TEDC2: variants seen among roughly 807,000 people sequenced by gnomAD.
The protein encoded by TEDC2 is tubulin epsilon and delta complex 2, also known as tubulin epsilon and delta complex protein 2.
A neutral mutation model predicts 48.1 loss-of-function variants in TEDC2; 49 were observed. That is an observed-to-expected ratio of 1.02 (90% confidence interval 0.81 to 1.29). The LOEUF (loss-of-function observed/expected upper bound fraction) is 1.29. Ranked by LOEUF, TEDC2 falls within the 50% of genes most tolerant of loss-of-function variation. The pLI is 0.00. For missense variants in TEDC2, 631 were observed against 571.4 expected, an observed-to-expected ratio of 1.10 and a Z score of -1.06; for synonymous variants, 299 against 247.1, an observed-to-expected ratio of 1.21 and a Z score of -1.97.
Position 2,460,317 on chromosome 16 carries a change from T to G in TEDC2, c.61T>G (p.Cys21Gly). The change falls in exon 2 of 10, where the codon TGC becomes GGC. Residue 21 changes from cysteine to glycine, a missense_variant. Cys to Gly is a radical substitution (Grantham distance 159). Transcript: ENST00000361837. ...CGAGCTGCAGGGCGCCCTGGACGCCTGCGCACAGCGACAATTGCAATTGGA... is the reference window on the plus strand; with the variant it reads ...CGAGCTGCAGGGCGCCCTGGACGCCGGCGCACAGCGACAATTGCAATTGGA... ...VAELQGALDACAQRQLQLEQS... is the reference protein window; with the variant it reads ...VAELQGALDAGAQRQLQLEQS... 6.5e-7 allele frequency: 1 copy of G among 1,538,908 alleles called. No individual in the cohort carries two copies. The highest frequency in any genetic ancestry group is 8.7e-7 in the Non-Finnish European group (1 of 1,144,984).
chr16:2,461,644 GA>G, intron 4 of TEDC2, 102 bp from the exon 5 acceptor site: 1 of 1,415,180 alleles, frequency 7.1e-7, no homozygotes, highest in South Asian at 1.2e-5. Context: ...GGGTGTGGGA[GA>G]GGGGCAAGAA....
chr16:2,460,901 C>T lies in TEDC2; in HGVS notation c.282C>T (p.Ile94=). 1 of 1,613,624 alleles carries T rather than the reference C, an allele frequency of 6.2e-7. No homozygotes were observed. Among genetic ancestry groups the T allele is most frequent in the East Asian group, 2.2e-5 (1 of 44,886 alleles). Residue 94 remains isoleucine (I), a synonymous_variant, in exon 4 of 10, where the codon ATC becomes ATT. Coordinates refer to ENST00000361837, the MANE Select transcript of TEDC2 (RefSeq NM_025108.3). ...LEKAVRVRRG[I]TKAGERDKAP... Reference sequence around the variant, plus strand: ...AGGCTGTACGAGTTCGAAGAGGCATCACTAAGGCCGGAGAGAGAGACAAGG... The same window carrying T: ...AGGCTGTACGAGTTCGAAGAGGCATTACTAAGGCCGGAGAGAGAGACAAGG...
Position 2,462,403 on chromosome 16 carries a change from A to G in TEDC2, c.751-12A>G. On this transcript the variant is annotated splice_polypyrimidine_tract_variant and intron_variant, in intron 6 of 9. Transcript: ENST00000361837. ...CTTTGGCTGCAGGGAAGTTTTCCTG[A>G]CCCATATCCAGTCAGGCGGGCCCCA... 6.2e-7 allele frequency: 1 copy of G among 1,611,404 alleles called. No homozygotes were observed. The highest frequency in any genetic ancestry group is 8.5e-7 in the Non-Finnish European group (1 of 1,179,616).
In TEDC2 at chr16:2,462,518, T is replaced by C. The variant is rs746051394; in HGVS notation, c.854T>C (p.Leu285Pro). 1 of 1,599,432 alleles carries C rather than the reference T, an allele frequency of 6.3e-7. No individual in the cohort carries two copies. Among genetic ancestry groups the C allele is most frequent in the Non-Finnish European group, 8.5e-7 (1 of 1,173,440 alleles). The change falls in exon 7 of 10, where the codon CTC (leucine) becomes CCC (proline). Residue 285 changes from leucine to proline, a missense_variant. By Grantham distance (98) the Leu-to-Pro change is moderately conservative. Transcript: ENST00000361837. ...SLLRLRMREE[L>P]SAAPMDWMQE... ...CTGAGACTGCGCATGAGGGAGGAGC[T>C]CTCGGCAGGTCAGTGGGTCCTGGGT...
chr16:2,462,181 G>A lies in TEDC2; in HGVS notation c.692G>A (p.Ser231Asn). 2 of 1,613,360 alleles carry A rather than the reference G, an allele frequency of 1.2e-6. No homozygotes were observed. The highest frequency in any genetic ancestry group is 1.7e-6 in the Non-Finnish European group (2 of 1,180,030). Residue 231 changes from serine to asparagine, a missense_variant, in exon 6 of 10, where the codon AGT (serine) becomes AAT (asparagine). By Grantham distance (46) the Ser-to-Asn change is conservative. Transcript: ENST00000361837. ...LWAQLSSTQT[S>N]DSTDAAAAKT... The stretch of plus-strand genomic sequence containing the variant: ...GCCCAGCTCAGTTCCACACAGACCA[G>A]TGATTCCACGGATGCCGCCGCTGCC...
At chr16:2,462,800 G>C (rs2141839294) in intron 8 of TEDC2, 68 bp downstream of exon 8, 1 of 1,392,034 alleles carries the variant, frequency 7.2e-7, no homozygotes, top group Middle Eastern at 2.6e-4. Flanking sequence ...CTTTAGCCAG[G>C]CTTGTCTGCG....
intron 8 of TEDC2, among the ~76,000 whole-genome samples, chr16:2,463,237 C>T (rs1019950938): frequency 3.3e-5 from 5 of 152,084 alleles, no homozygotes; most frequent in African/African-American, 4.8e-5. Flanking sequence ...AGGAGAATGG[C>T]GTGAACCCAG....
chr16:2,462,197 C>T lies in TEDC2; in HGVS notation c.708C>T (p.Ala236=), dbSNP rs527618825. 28 of 1,613,400 alleles carry T rather than the reference C, an allele frequency of 1.7e-5. No homozygotes were observed. The African/African-American group carries it at 2.1e-4, about 12-fold the overall frequency. The change falls in exon 6 of 10, where the codon GCC becomes GCT. Residue 236 remains alanine (A), a synonymous_variant. Transcript: ENST00000361837. The part of the protein sequence containing the change: ...SSTQTSDSTD[A]AAAKTQFLQN... ...CACAGACCAGTGATTCCACGGATGC[C>T]GCCGCTGCCAAAACCCAGTTCCTCC...
intron 5 of TEDC2, 108 bp from the exon 6 acceptor site, chr16:2,462,041 C>A: frequency 1.6e-6 from 2 of 1,285,750 alleles, no homozygotes; most frequent in Non-Finnish European, 2.2e-6. Flanking sequence ...AGACGCCCAG[C>A]CTGGGGTCCC....
In TEDC2 at chr16:2,462,778, G is replaced by A. The variant is rs12599759; in HGVS notation, c.964+46G>A. ...TGCCACCTGCACTGAGGTCTGGGCC[G>A]GGGACAGGGTGCTTTAGCCAGGCTT... On this transcript the variant is annotated intron_variant, in intron 8 of 9. Coordinates refer to ENST00000361837, the MANE Select transcript of TEDC2 (RefSeq NM_025108.3). 4.6e-3 allele frequency: 6,760 copies of A among 1,476,116 alleles called. 254 individuals carry two copies. In the East Asian group the frequency reaches 0.1, roughly 22 times the overall value. 91.4% of individuals were successfully genotyped at this position (1,476,116 alleles called of 1,614,324 possible). A position where few individuals can be genotyped will look rare whatever the true frequency, so the allele number is the denominator to read the frequency against.
intron 3 of TEDC2, 42 bp from the exon 4 acceptor site, chr16:2,460,774 G>T: frequency 6.2e-7 from 1 of 1,611,214 alleles, no homozygotes; most frequent in Non-Finnish European, 8.5e-7. Flanking sequence ...CCTCCTGGGG[G>T]ACAGTGGGGA....
rs759277108 is a variant in TEDC2 at position 2,462,487 on chromosome 16, T to C, written c.823T>C (p.Ser275Pro). The C allele has an allele frequency of 1.2e-6, 2 of 1,609,350 alleles. No individual in the cohort carries two copies. The highest frequency in any genetic ancestry group is 2.2e-5 in the South Asian group (2 of 90,724). Residue 275 changes from serine to proline, a missense_variant, in exon 7 of 10, where the codon TCG becomes CCG. By Grantham distance (74) the Ser-to-Pro change is moderately conservative (BLOSUM62 -1). Transcript: ENST00000361837. Reference sequence around the variant, plus strand: ...GGCGGGGCGCCTGCGGAAGGCCTGCTCGCTGCTGAGACTGCGCATGAGGGA... The same window carrying C: ...GGCGGGGCGCCTGCGGAAGGCCTGCCCGCTGCTGAGACTGCGCATGAGGGA... ...AEAGRLRKAC[S>P]LLRLRMREEL... is the part of the protein sequence containing the mutation.
Position 2,462,534 on chromosome 16 carries a change from G to A in TEDC2, c.862+8G>A. The A allele has an allele frequency of 6.3e-7, 1 of 1,589,020 alleles. No individual in the cohort carries two copies. Among genetic ancestry groups the A allele is most frequent in the Non-Finnish European group, 8.6e-7 (1 of 1,168,070 alleles). The stretch of plus-strand genomic sequence containing the variant: ...GGGAGGAGCTCTCGGCAGGTCAGTG[G>A]GTCCTGGGTCTGTATCAGGAGGAGT... On this transcript the variant is annotated splice_region_variant and intron_variant, in intron 7 of 9. Coordinates refer to ENST00000361837, the MANE Select transcript of TEDC2 (RefSeq NM_025108.3).
Position 2,460,313 on chromosome 16 carries a change from C to T in TEDC2, c.57C>T (p.Asp19=). The T allele has an allele frequency of 1.3e-6, 2 of 1,537,280 alleles. No individual in the cohort carries two copies. The highest frequency in any genetic ancestry group is 2.5e-5 in the East Asian group (1 of 39,716). Residue 19 remains aspartate, a synonymous_variant, in exon 2 of 10, where the codon GAC becomes GAT. Coordinates refer to ENST00000361837, the MANE Select transcript of TEDC2 (RefSeq NM_025108.3). ...TGGCCGAGCTGCAGGGCGCCCTGGACGCCTGCGCACAGCGACAATTGCAAT... is the reference window on the plus strand; with the variant it reads ...TGGCCGAGCTGCAGGGCGCCCTGGATGCCTGCGCACAGCGACAATTGCAAT... The part of the protein sequence containing the change: ...RLVAELQGAL[D]ACAQRQLQLE...
Position 2,460,284 on chromosome 16 carries a change from C to T in TEDC2, c.28C>T (p.Leu10=). 1 of 1,526,692 alleles carries T rather than the reference C, an allele frequency of 6.6e-7. No individual in the cohort carries two copies. The allele number at this position is 1,526,692 out of a possible 1,614,324, so 94.6% of individuals were successfully genotyped here. The change falls in exon 2 of 10, where the codon CTG becomes TTG. Residue 10 remains leucine, a splice_region_variant and synonymous_variant. Transcript: ENST00000361837. MLPAGCSRR[L]VAELQGALDA... ...CTGAGCCGCCGGTGCGTCCCCCAGGCTGGTGGCCGAGCTGCAGGGCGCCCT... is the reference window on the plus strand; with the variant it reads ...CTGAGCCGCCGGTGCGTCCCCCAGGTTGGTGGCCGAGCTGCAGGGCGCCCT...
intron 9 of TEDC2, 139 bp downstream of exon 9, chr16:2,464,368 T>G: frequency 7.4e-7 from 1 of 1,343,532 alleles, no homozygotes; most frequent in African/African-American, 1.5e-5. Context: ...GGTTGGGAAG[T>G]GCATGGGTCA....
In TEDC2 at chr16:2,464,060, G is replaced by C. The variant is rs751064259; in HGVS notation, c.986G>C (p.Arg329Thr). 6.2e-7 allele frequency: 1 copy of C among 1,612,762 alleles called. No individual in the cohort carries two copies. Among genetic ancestry groups the C allele is most frequent in the South Asian group, 1.1e-5 (1 of 91,050 alleles). ...LRAAVAEQPP[R>T]PCPVGRPPGA... ...ACAGCGGTGGCGGAACAGCCACCAA[G>C]ACCATGTCCTGTGGGGAGGCCCCCC... The change falls in exon 9 of 10, where the codon AGA (arginine) becomes ACA (threonine). Residue 329 changes from arginine to threonine, a missense_variant. By Grantham distance (71) the Arg-to-Thr change is moderately conservative. Coordinates refer to ENST00000361837, the MANE Select transcript of TEDC2 (RefSeq NM_025108.3).
chr16:2,462,972 C>T (rs1036978494), intron 8 of TEDC2, among the ~76,000 whole-genome samples: 5 of 152,220 alleles, frequency 3.3e-5, no homozygotes, highest in South Asian at 2.1e-4. Context: ...CGCTGCTCCC[C>T]GCACACAGAA....
Position 2,460,832 on chromosome 16 carries a change from A to G in TEDC2, c.213A>G (p.Pro71=). 3 of 1,612,816 alleles carry G rather than the reference A, an allele frequency of 1.9e-6. No individual in the cohort carries two copies. The highest frequency in any genetic ancestry group is 1.1e-5 in the South Asian group (1 of 91,074). The change falls in exon 4 of 10, where the codon CCA becomes CCG. Residue 71 remains proline (P), a synonymous_variant. Coordinates refer to ENST00000361837, the MANE Select transcript of TEDC2 (RefSeq NM_025108.3). ...EDPLPACTPS[P]QDLKELEFLT... is the part of the protein sequence containing the mutation. ...CTTTCACAGCATGCACACCCAGTCC[A>G]CAAGACCTCAAAGAGTTGGAGTTTC...
Sources: allele counts gnomAD v4.1 joint callset (sites outside exome capture counted in the v4.1 genomes callset), GRCh38; gene constraint gnomAD v4.1.1; transcripts MANE v1.5; gene names NCBI Gene and HGNC (gene_info 2026-07-23, HGNC 2026-07-21).